The following CERS6 variants were observed in gnomAD, a reference collection of about 807,000 sequenced individuals.
CERS6 encodes LAG1 homolog, ceramide synthase 6.
CERS6 carries 26 observed loss-of-function variants against 56.8 expected under a neutral mutation model. The ratio of observed to expected loss-of-function variants is 0.46; its 90% CI spans 0.34 to 0.63. CERS6 has a LOEUF of 0.63. Among genes scored for constraint, CERS6 ranks in the 30% least tolerant of loss-of-function variants. The pLI, the probability that CERS6 is intolerant of heterozygous loss-of-function variation, is 0.01. For synonymous variants in CERS6, 164 were observed against 173.3 expected (o/e 0.95, Z 0.42); for missense variants, 415 against 467.5 (o/e 0.89, Z 1.04).
intron 8 of CERS6, among the ~76,000 whole-genome samples, chr2:168,728,888 A>G (rs977481490): frequency 2.6e-5 from 4 of 151,444 alleles, no homozygotes; most frequent in African/African-American, 7.3e-5. Flanking sequence ...CGCCTCTGTA[A>G]TCCCAGCTAC....
intron 3 of CERS6, among the ~76,000 whole-genome samples, chr2:168,604,846 C>T (rs1032010596): frequency 6.6e-6 from 1 of 152,156 alleles, no homozygotes; most frequent in Non-Finnish European, 1.5e-5. Flanking sequence ...AATTAAACCT[C>T]TTTTCTTTAT....
intron 8 of CERS6, among the ~76,000 whole-genome samples, chr2:168,723,763 A>G (rs1228041286): frequency 6.6e-6 from 1 of 152,244 alleles, no homozygotes; most frequent in Non-Finnish European, 1.5e-5. Flanking sequence ...TTTTACTAAC[A>G]TATGAAACTC....
In CERS6 at chr2:168,546,489, AATAGGACCCAGTAGG is replaced by A. The variant is rs1282473887; in HGVS notation, c.171-1103_171-1089del. Among the ~76,000 whole-genome samples the A allele has an allele frequency of 8.5e-5, 13 of 152,306 alleles. 1 individual carries two copies. The South Asian group carries it at 2.7e-3, about 32-fold the overall frequency. ...AATAAATTTCTTCACTTTTACTTGA[AATAGGACCCAGTAGG>A]ATATTATGTGGTACTTTACATGTAA... On this transcript the variant is annotated intron_variant, in intron 1 of 9. Transcript: ENST00000305747.
chr2:168,530,476 A>G (rs1254225626), intron 1 of CERS6, among the ~76,000 whole-genome samples: 2 of 152,218 alleles, frequency 1.3e-5, no homozygotes, highest in Non-Finnish European at 2.9e-5. Flanking sequence ...GTATTTTCGT[A>G]TATAAATACA....
At chr2:168,669,832 A>G (rs767933773) in intron 4 of CERS6, among the ~76,000 whole-genome samples, 14 of 152,240 alleles carry the variant, frequency 9.2e-5, no homozygotes, top group Non-Finnish European at 2.1e-4. Context: ...CTTAACATAC[A>G]CGACTGTGTC....
chr2:168,517,055 G>T (rs1694895590), intron 1 of CERS6, among the ~76,000 whole-genome samples: 1 of 152,098 alleles, frequency 6.6e-6, no homozygotes, highest in Admixed American at 6.5e-5. Context: ...CTTATGATTT[G>T]TAGAAAAGAG....
At chr2:168,644,658 AC>A (rs1685129934) in intron 4 of CERS6, among the ~76,000 whole-genome samples, 1 of 152,136 alleles carries the variant, frequency 6.6e-6, no homozygotes, top group Non-Finnish European at 1.5e-5. Flanking sequence ...TGTTAGGCAT[AC>A]CCAAGAAAAG....
chr2:168,642,016 T>C (rs1463494907), intron 4 of CERS6, among the ~76,000 whole-genome samples: 1 of 152,218 alleles, frequency 6.6e-6, no homozygotes, highest in African/African-American at 2.4e-5. Flanking sequence ...TCATTATCTC[T>C]TGTTACCCCA....
intron 4 of CERS6, among the ~76,000 whole-genome samples, chr2:168,667,515 T>C (rs1685793084): frequency 6.6e-6 from 1 of 152,210 alleles, no homozygotes; most frequent in African/African-American, 2.4e-5. Flanking sequence ...GAGACTTGAG[T>C]GCATTTGTTC....
At chr2:168,635,011 A>G (rs368625491) in intron 4 of CERS6, among the ~76,000 whole-genome samples, 5 of 152,208 alleles carry the variant, frequency 3.3e-5, no homozygotes, top group Admixed American at 3.3e-4. Context: ...AAGTCTATCT[A>G]TGAAGAAAAG....
chr2:168,469,432 A>C (rs554487692), intron 1 of CERS6, among the ~76,000 whole-genome samples: 1 of 152,218 alleles, frequency 6.6e-6, no homozygotes, highest in African/African-American at 2.4e-5. Context: ...AGATGAAACC[A>C]CAATGCTGTA....
chr2:168,570,270 A>G (rs1695960795), intron 3 of CERS6, among the ~76,000 whole-genome samples: 2 of 152,216 alleles, frequency 1.3e-5, no homozygotes, highest in African/African-American at 4.8e-5. Flanking sequence ...ACGCGAGTTC[A>G]GAGCCTCAGC....
intron 1 of CERS6, among the ~76,000 whole-genome samples, chr2:168,539,755 G>A (rs1443863084): frequency 2.6e-5 from 4 of 152,334 alleles, no homozygotes; most frequent in South Asian, 2.1e-4. Flanking sequence ...AACCAAGGAC[G>A]TGTTAGTAGT....
At chr2:168,543,742 T>G (rs1454860327) in intron 1 of CERS6, among the ~76,000 whole-genome samples, 1 of 152,174 alleles carries the variant, frequency 6.6e-6, no homozygotes, top group Non-Finnish European at 1.5e-5. Flanking sequence ...TCTTGAAAAT[T>G]AAGTGTTTGG....
At chr2:168,604,891 T>C (rs1684017788) in intron 3 of CERS6, among the ~76,000 whole-genome samples, 1 of 152,168 alleles carries the variant, frequency 6.6e-6, no homozygotes, top group South Asian at 2.1e-4. Context: ...TTTAGAGCCA[T>C]GTGAGAATGG....
chr2:168,766,203 T>G (rs2105466920), intron 9 of CERS6: 1 of 871,396 alleles, frequency 1.1e-6, no homozygotes, highest in Non-Finnish European at 1.9e-6. Flanking sequence ...TTGAGGTTGA[T>G]TCGAATAAAG....
At chr2:168,512,842 AT>A (rs1694813654) in intron 1 of CERS6, among the ~76,000 whole-genome samples, 1 of 151,728 alleles carries the variant, frequency 6.6e-6, no homozygotes, top group South Asian at 2.1e-4. Context: ...TAAGTTTTGT[AT>A]TTTTAGTAGA....
chr2:168,555,517 TA>T, intron 2 of CERS6, among the ~76,000 whole-genome samples: 1 of 152,040 alleles, frequency 6.6e-6, no homozygotes, highest in East Asian at 1.9e-4. Flanking sequence ...ACTATAATTT[TA>T]ACTTATATAA....
At chr2:168,662,647 G>A (rs1387303361) in intron 4 of CERS6, among the ~76,000 whole-genome samples, 7 of 152,128 alleles carry the variant, frequency 4.6e-5, no homozygotes, top group Non-Finnish European at 8.8e-5. Flanking sequence ...CAGGAGAATC[G>A]CTTGAACCCG....
Sources: allele counts gnomAD v4.1 joint callset (sites outside exome capture counted in the v4.1 genomes callset), GRCh38; gene constraint gnomAD v4.1.1; transcripts MANE v1.5; gene names NCBI Gene and HGNC (gene_info 2026-07-23, HGNC 2026-07-21).